EDC4: variants seen among roughly 807,000 people sequenced by gnomAD.
EDC4 encodes the protein enhancer of mRNA decapping 4.
Under a neutral mutation model 155.8 loss-of-function variants are expected in EDC4, and 64 were observed. That is an observed-to-expected ratio of 0.41 (90% CI 0.34 to 0.51). EDC4 has a LOEUF of 0.51. Among genes scored for constraint, EDC4 ranks in the 20% least tolerant of loss-of-function variants. The pLI is 0.19. For synonymous variants in EDC4, 684 were observed against 716.8 expected (o/e 0.95, Z 0.73); for missense variants, 1,303 against 1,812.5 (o/e 0.72, Z 5.10).
chr16:67,878,475 G>A lies in EDC4; in HGVS notation c.1088+32G>A. The A allele has an allele frequency of 6.2e-6, 10 of 1,614,216 alleles. No individual in the cohort carries two copies. Among genetic ancestry groups the A allele is most frequent in the Non-Finnish European group, 8.5e-6 (10 of 1,180,040 alleles). On this transcript the variant is annotated intron_variant, in intron 9 of 28. Coordinates refer to ENST00000358933, the MANE Select transcript of EDC4 (RefSeq NM_014329.5). This position sits in a 1 kb window ranked among gnomAD's most constrained non-coding sequence, Gnocchi z 5.2. ...GAGTGGGCAGCCTAGTGGGTGGTGG[G>A]CTGGACCATGGCTCCCAGCAGGGGC...
In EDC4 at chr16:67,876,027, A is replaced by G. The variant is rs2058039955; in HGVS notation, c.165A>G (p.Ser55=). 6.2e-7 allele frequency: 1 copy of G among 1,614,212 alleles called. No individual in the cohort carries two copies. Among genetic ancestry groups the G allele is most frequent in the Non-Finnish European group, 8.5e-7 (1 of 1,180,038 alleles). ...TTCTGGTCCCAGACCCGCTCTGCTC[A>G]GGTGATAGTACCTCAGCAAACAAGA... ...NGLLVPDPLC[S]GDSTSANKTG... The change falls in exon 2 of 29, where the codon TCA becomes TCG. Residue 55 remains serine (S), a synonymous_variant. Transcript: ENST00000358933. This position sits in a 1 kb window ranked among gnomAD's most constrained non-coding sequence, Gnocchi z 5.8.
At position 67,882,164 on chromosome 16, in the gene EDC4, G is replaced by C; in HGVS notation, c.3161-48G>C. 2 of 1,613,138 alleles carry C rather than the reference G, an allele frequency of 1.2e-6. No homozygotes were observed. Among genetic ancestry groups the C allele is most frequent in the Non-Finnish European group, 1.7e-6 (2 of 1,179,644 alleles). On this transcript the variant is annotated intron_variant, in intron 23 of 28. Transcript: ENST00000358933. This position sits in a 1 kb window ranked among gnomAD's most constrained non-coding sequence, Gnocchi z 7.2. ...TGGTTCAGGTGGGAGTGGGGTACCTGTCAAGCTTCTTCTCATGGCTCCACC... is the reference window on the plus strand; with the variant it reads ...TGGTTCAGGTGGGAGTGGGGTACCTCTCAAGCTTCTTCTCATGGCTCCACC...
At position 67,880,881 on chromosome 16, in the gene EDC4, C is replaced by T. The variant is rs752769144; in HGVS notation, c.2422C>T (p.Pro808Ser). The T allele has an allele frequency of 5.0e-6, 8 of 1,613,970 alleles. No individual in the cohort carries two copies. The highest frequency in any genetic ancestry group is 1.6e-4 in the Middle Eastern group (1 of 6,062). Residue 808 changes from proline to serine, a missense_variant, in exon 18 of 29, where the codon CCC becomes TCC. Physicochemically the swap from Pro to Ser is moderately conservative, Grantham distance 74. This residue lies in a region of EDC4 where 391 missense variants were observed against 445.4 expected (regional missense o/e 0.88). Transcript: ENST00000358933. The surrounding 1 kb of genome is among the most constrained non-coding windows in gnomAD (Gnocchi z 5.2). ...TGGGGATGGAGATCGGCATAATACC[C>T]CCTCCCTCCTGGAGGCAGCCTTGAC... ...GPGDGDRHNT[P>S]SLLEAALTQE...
chr16:67,878,096 C>A lies in EDC4; in HGVS notation c.895-70C>A. 1 of 1,600,216 alleles carries A rather than the reference C, an allele frequency of 6.2e-7. No homozygotes were observed. The highest frequency in any genetic ancestry group is 1.1e-5 in the South Asian group (1 of 89,480). ...AGTCCCACCGTGAGTCAGCCCAGCT[C>A]ATTGCCATCCTCACTTGGGAGGGGC... On this transcript the variant is annotated intron_variant, in intron 7 of 28. Coordinates refer to ENST00000358933, the MANE Select transcript of EDC4 (RefSeq NM_014329.5). The surrounding 1 kb of genome is among the most constrained non-coding windows in gnomAD (Gnocchi z 5.2).
In EDC4 at chr16:67,881,201, T is replaced by C. The variant is rs368866802; in HGVS notation, c.2636+21T>C. On this transcript the variant is annotated intron_variant, in intron 19 of 28. Coordinates refer to ENST00000358933, the MANE Select transcript of EDC4 (RefSeq NM_014329.5). The surrounding 1 kb of genome is among the most constrained non-coding windows in gnomAD (Gnocchi z 5.4). ...CAAAGGTGGGAGCCACTCTACACCA[T>C]TGCCCTCATGGGGGGATGGGCAGCA... is the stretch of plus-strand genomic sequence containing the variant. 117 of 1,613,854 alleles carry C rather than the reference T, an allele frequency of 7.2e-5. No individual in the cohort carries two copies. Among genetic ancestry groups the C allele is most frequent in the Non-Finnish European group, 9.5e-5 (112 of 1,179,996 alleles).
chr16:67,881,304 A>G lies in EDC4; in HGVS notation c.2676A>G (p.Ser892=), dbSNP rs1212062909. 6.2e-7 allele frequency: 1 copy of G among 1,614,148 alleles called. No individual in the cohort carries two copies. The highest frequency in any genetic ancestry group is 8.5e-7 in the Non-Finnish European group (1 of 1,180,014). The change falls in exon 20 of 29, where the codon TCA becomes TCG. Residue 892 remains serine (S), a synonymous_variant. Transcript: ENST00000358933. The surrounding 1 kb of genome is among the most constrained non-coding windows in gnomAD (Gnocchi z 5.4). ...DDEVASLASA[S]GGFGTKVPAP... ...AGGTGGCCAGCCTTGCCTCTGCTTC[A>G]GGAGGCTTTGGCACCAAAGTTCCTG...
chr16:67,880,585 T>A lies in EDC4; in HGVS notation c.2126T>A (p.Leu709Gln). ...QVPTATSALS[L>Q]ELQEVEPLGL... is the part of the protein sequence containing the mutation. ...CCTACTGCCACCTCTGCACTGTCCC[T>A]GGAGCTGCAGGAAGTGGAGCCCCTG... The change falls in exon 18 of 29, where the codon CTG (leucine) becomes CAG (glutamine). Residue 709 changes from leucine (L) to glutamine (Q), a missense_variant. Leu to Gln is a moderately radical substitution (Grantham distance 113). This residue lies in a region of EDC4 where 391 missense variants were observed against 445.4 expected (regional missense o/e 0.88). Coordinates refer to ENST00000358933, the MANE Select transcript of EDC4 (RefSeq NM_014329.5). The surrounding 1 kb of genome is among the most constrained non-coding windows in gnomAD (Gnocchi z 5.2). The A allele has an allele frequency of 1.2e-6, 2 of 1,614,122 alleles. No homozygotes were observed. The highest frequency in any genetic ancestry group is 1.7e-6 in the Non-Finnish European group (2 of 1,180,012).
Position 67,883,285 on chromosome 16 carries a change from CTG to C in EDC4, c.3849+110_3849+111del, listed in dbSNP as rs2058078585. The C allele has an allele frequency of 6.9e-7, 1 of 1,454,122 alleles. No homozygotes were observed. The highest frequency in any genetic ancestry group is 9.1e-7 in the Non-Finnish European group (1 of 1,099,268). 90.1% of individuals were successfully genotyped at this position (1,454,122 alleles called of 1,614,324 possible). A position where few individuals can be genotyped will look rare whatever the true frequency, so the allele number is the denominator to read the frequency against. Reference sequence around the variant, plus strand: ...CTTTGCACCTTCTGGCCCCAGCAGACTGTTCTTGGTTCCCTTTGGCCTCCAGG... The same window carrying C: ...CTTTGCACCTTCTGGCCCCAGCAGACTTCTTGGTTCCCTTTGGCCTCCAGG... On this transcript the variant is annotated intron_variant, in intron 27 of 28. Transcript: ENST00000358933. The surrounding 1 kb of genome is among the most constrained non-coding windows in gnomAD (Gnocchi z 5.3).
chr16:67,875,775 A>C, intron 1 of EDC4, 170 bp from the exon 2 acceptor site: 1 of 1,438,556 alleles, frequency 7.0e-7, no homozygotes, highest in Non-Finnish European at 9.1e-7. Context: ...TCCTGCCTAC[A>C]TCAGTGTTTA....
At position 67,875,965 on chromosome 16, in the gene EDC4, C is replaced by G; in HGVS notation, c.103C>G (p.Arg35Gly). 6.2e-7 allele frequency: 1 copy of G among 1,613,872 alleles called. No homozygotes were observed. Among genetic ancestry groups the G allele is most frequent in the Non-Finnish European group, 8.5e-7 (1 of 1,179,954 alleles). ...PAGGPSAESP[R>G]PSSAYNGDLN... ...CCCAGGCCCCAGTGCAGAGAGCCCACGGCCATCCAGTGCCTACAATGGGGA... is the reference window on the plus strand; with the variant it reads ...CCCAGGCCCCAGTGCAGAGAGCCCAGGGCCATCCAGTGCCTACAATGGGGA... Residue 35 changes from arginine to glycine, a missense_variant, in exon 2 of 29, where the codon CGG becomes GGG. Physicochemically the swap from Arg to Gly is moderately radical, Grantham distance 125 (BLOSUM62 -2). Around this residue, in one of 5 missense-constraint regions of EDC4, gnomAD observed 99 missense variants for 121.3 expected, o/e 0.82. Coordinates refer to ENST00000358933, the MANE Select transcript of EDC4 (RefSeq NM_014329.5).
chr16:67,877,076 T>TCC lies in EDC4; in HGVS notation c.451+105_451+106dup. ...CCTTAGGGGTACAATGGAAGGTTTG[T>TCC]CCATGCTGCCTCTTGGGGAGCTGGG... On this transcript the variant is annotated intron_variant, in intron 4 of 28. Transcript: ENST00000358933. This position sits in a 1 kb window ranked among gnomAD's most constrained non-coding sequence, Gnocchi z 4.9. The TCC allele has an allele frequency of 6.4e-7, 1 of 1,553,160 alleles. No homozygotes were observed. Among genetic ancestry groups the TCC allele is most frequent in the East Asian group, 2.3e-5 (1 of 44,348 alleles).
chr16:67,877,380 C>T lies in EDC4; in HGVS notation c.615C>T (p.Arg205=), dbSNP rs1598175723. The T allele has an allele frequency of 6.2e-7, 1 of 1,613,624 alleles. No individual in the cohort carries two copies. Among genetic ancestry groups the T allele is most frequent in the Non-Finnish European group, 8.5e-7 (1 of 1,179,842 alleles). ...LDEAGNLFVW[R]LALVNGKIQE... is the part of the protein sequence containing the mutation. ...AGGCAGGCAACCTGTTCGTGTGGCG[C>T]TTGGCTCTGGTTAATGGCAAAATTC... Residue 205 remains arginine, a synonymous_variant, in exon 5 of 29, where the codon CGC becomes CGT. Transcript: ENST00000358933. This position sits in a 1 kb window ranked among gnomAD's most constrained non-coding sequence, Gnocchi z 4.9.
rs970660606 is a variant in EDC4 at position 67,880,491 on chromosome 16, G to A, written c.2098-66G>A. Reference sequence around the variant, plus strand: ...TCATTACTGCTAATACTAATGCCTCGTCTCTGTGCCCCCCATCTCTGCCTC... The same window carrying A: ...TCATTACTGCTAATACTAATGCCTCATCTCTGTGCCCCCCATCTCTGCCTC... On this transcript the variant is annotated intron_variant, in intron 17 of 28. Transcript: ENST00000358933. The surrounding 1 kb of genome is among the most constrained non-coding windows in gnomAD (Gnocchi z 5.2). The A allele has an allele frequency of 5.7e-6, 9 of 1,568,890 alleles. No individual in the cohort carries two copies. Among genetic ancestry groups the A allele is most frequent in the East Asian group, 4.5e-5 (2 of 44,446 alleles).
In EDC4 at chr16:67,876,614, G is replaced by A. The variant is rs1402096723; in HGVS notation, c.351+15G>A. On this transcript the variant is annotated intron_variant, in intron 3 of 28. Transcript: ENST00000358933. The surrounding 1 kb of genome is among the most constrained non-coding windows in gnomAD (Gnocchi z 5.8). ...GAAGCAACAAGGTAGGTACTGGGATGCTGTGGCATATATAATGTACGGGGG... is the reference window on the plus strand; with the variant it reads ...GAAGCAACAAGGTAGGTACTGGGATACTGTGGCATATATAATGTACGGGGG... 8 of 1,613,734 alleles carry A rather than the reference G, an allele frequency of 5.0e-6. No individual in the cohort carries two copies. The highest frequency in any genetic ancestry group is 6.8e-6 in the Non-Finnish European group (8 of 1,179,866).
Position 67,881,766 on chromosome 16 carries a change from G to T in EDC4, c.2925G>T (p.Leu975=), listed in dbSNP as rs750666705. 1 of 1,614,144 alleles carries T rather than the reference G, an allele frequency of 6.2e-7. No individual in the cohort carries two copies. The highest frequency in any genetic ancestry group is 1.3e-5 in the African/African-American group (1 of 75,050). ...GCCAGGAAGAGCTGCTGCAGCGTCT[G>T]TGTACCCAACTCGAAGGCCTGCAGA... The part of the protein sequence containing the change: ...RHSQEELLQR[L]CTQLEGLQST... The change falls in exon 22 of 29, where the codon CTG becomes CTT. Residue 975 remains leucine, a synonymous_variant. Transcript: ENST00000358933. The surrounding 1 kb of genome is among the most constrained non-coding windows in gnomAD (Gnocchi z 5.4).
chr16:67,879,590 T>G lies in EDC4; in HGVS notation c.1637T>G (p.Phe546Cys), dbSNP rs1442386075. 7.4e-6 allele frequency: 12 copies of G among 1,613,790 alleles called. No homozygotes were observed. Among genetic ancestry groups the G allele is most frequent in the African/African-American group, 2.7e-5 (2 of 74,898 alleles). Reference sequence around the variant, plus strand: ...CAAGTGGCAACTTGCCCTGCAGCATTTGGAGAGTCTCGGCCCGAACTGGGC... The same window carrying G: ...CAAGTGGCAACTTGCCCTGCAGCATGTGGAGAGTCTCGGCCCGAACTGGGC... ...PTHTAHEDFT[F>C]GESRPELGSE... The change falls in exon 15 of 29, where the codon TTT (phenylalanine) becomes TGT (cysteine). Residue 546 changes from phenylalanine to cysteine, a missense_variant. By Grantham distance (205) the Phe-to-Cys change is radical (BLOSUM62 -2). Around this residue, in one of 5 missense-constraint regions of EDC4, gnomAD observed 391 missense variants for 445.4 expected, o/e 0.88. Coordinates refer to ENST00000358933, the MANE Select transcript of EDC4 (RefSeq NM_014329.5). The surrounding 1 kb of genome is among the most constrained non-coding windows in gnomAD (Gnocchi z 6.0).
chr16:67,875,647 T>C, intron 1 of EDC4: 1 of 977,942 alleles, frequency 1.0e-6, no homozygotes, highest in Non-Finnish European at 1.3e-6. Flanking sequence ...TCCTATGCCC[T>C]CACTCAGTCC....
rs2058078227 is a variant in EDC4, at chr16:67,883,230, A to G, written c.3849+53A>G. ...GGTCACGTGTCTCTTGACAAGGCCCACATACCATACATTCTACTCCACCCA... is the reference window on the plus strand; with the variant it reads ...GGTCACGTGTCTCTTGACAAGGCCCGCATACCATACATTCTACTCCACCCA... On this transcript the variant is annotated intron_variant, in intron 27 of 28. Transcript: ENST00000358933. The surrounding 1 kb of genome is among the most constrained non-coding windows in gnomAD (Gnocchi z 5.3). 2 of 1,503,210 alleles carry G rather than the reference A, an allele frequency of 1.3e-6. No homozygotes were observed. Among genetic ancestry groups the G allele is most frequent in the African/African-American group, 1.4e-5 (1 of 72,658 alleles). 93.1% of individuals were successfully genotyped at this position (1,503,210 alleles called of 1,614,324 possible). A position where few individuals can be genotyped will look rare whatever the true frequency, so the allele number is the denominator to read the frequency against.
Position 67,877,244 on chromosome 16 carries a change from G to A in EDC4, c.479G>A (p.Arg160Gln), listed in dbSNP as rs925063774. Reference sequence around the variant, plus strand: ...GCCAACAATGGCTCTGCCATGGTGCGGGTGATCAGCGTCAGCACTTCGGAG... The same window carrying A: ...GCCAACAATGGCTCTGCCATGGTGCAGGTGATCAGCGTCAGCACTTCGGAG... Reference protein sequence around the residue: ...RAANNGSAMVRVISVSTSERT... With the variant: ...RAANNGSAMVQVISVSTSERT... Residue 160 changes from arginine (R) to glutamine (Q), a missense_variant, in exon 5 of 29, where the codon CGG becomes CAG. Around this residue, in one of 5 missense-constraint regions of EDC4, gnomAD observed 51 missense variants for 121.1 expected, o/e 0.42. Transcript: ENST00000358933. The surrounding 1 kb of genome is among the most constrained non-coding windows in gnomAD (Gnocchi z 4.9). 3.1e-6 allele frequency: 5 copies of A among 1,613,862 alleles called. No homozygotes were observed. Among genetic ancestry groups the A allele is most frequent in the Non-Finnish European group, 3.4e-6 (4 of 1,179,938 alleles).
Sources: gnomAD v4.1 joint callset for allele counts on GRCh38, gnomAD v4.1.1 for gene constraint, gnomAD v4.1.1 regional missense constraint, Gnocchi (gnomAD v3.1) non-coding constraint, MANE v1.5 for transcripts, NCBI Gene and HGNC (gene_info 2026-07-23, HGNC 2026-07-21) for gene names.